DIP2C: variants seen among roughly 807,000 people sequenced by gnomAD.
DIP2C encodes disco-interacting protein 2 homolog C.
In DIP2C, 33 loss-of-function variants were observed where a neutral mutation model predicts 192.4. That is an observed-to-expected ratio of 0.17 (90% CI 0.13 to 0.23). The LOEUF is 0.23. Ranked by LOEUF, DIP2C falls within the 10% of genes least tolerant of loss-of-function variation. The probability of loss-of-function intolerance (pLI) is 1.00; values close to 1 mark genes in which losing one functional copy is unlikely to be tolerated. For missense variants in DIP2C, 1,537 were observed against 2,110.1 expected, an observed-to-expected ratio of 0.73 and a Z score of 5.32; for synonymous variants, 979 against 864.1, an observed-to-expected ratio of 1.13 and a Z score of -2.33.
At chr10:509,776 G>A (rs888733150) in intron 1 of DIP2C, among the ~76,000 whole-genome samples, 1 of 151,924 alleles carries the variant, frequency 6.6e-6, no homozygotes, top group Non-Finnish European at 1.5e-5. Flanking sequence ...AGAGGACGGG[G>A]CGCCGCAGTC....
intron 1 of DIP2C, among the ~76,000 whole-genome samples, chr10:679,423 G>A (rs1287187393): frequency 6.8e-5 from 2 of 29,460 alleles, no homozygotes; most frequent in African/African-American, 1.7e-4. Context: ...GGCTCCCCGC[G>A]CCCATCTGTA....
intron 1 of DIP2C, among the ~76,000 whole-genome samples, chr10:597,360 C>T (rs1441553600): frequency 5.9e-5 from 9 of 152,016 alleles, no homozygotes; most frequent in African/African-American, 1.5e-4. Flanking sequence ...ACACACACAC[C>T]GGGCTGGCTC....
intron 1 of DIP2C, among the ~76,000 whole-genome samples, chr10:512,624 G>C (rs561806538): frequency 5.9e-5 from 9 of 152,024 alleles, no homozygotes; most frequent in African/African-American, 2.2e-4. Flanking sequence ...CATCATTATA[G>C]AAAGGAGCTG....
Position 344,889 on chromosome 10 carries a change from T to A in DIP2C, c.3373A>T (p.Ile1125Phe), listed in dbSNP as rs746986260. The change falls in exon 28 of 37, where the codon ATC becomes TTC. Residue 1125 changes from isoleucine (I) to phenylalanine (F), a missense_variant. Ile to Phe is a conservative substitution (Grantham distance 21, BLOSUM62 0). Transcript: ENST00000280886. ...GTGTCTGGGTTGCAAGGTTTGCAGA[T>A]CTGGGCAGGCCGCTTCTTTGGCAAA... The part of the protein sequence containing the change: ...DDLPKKRPAQ[I>F]CKPCNPDTLA... 51 of 1,607,756 alleles carry A rather than the reference T, an allele frequency of 3.2e-5. No homozygotes were observed. The highest frequency in any genetic ancestry group is 4.0e-5 in the Non-Finnish European group (47 of 1,178,196).
intron 1 of DIP2C, among the ~76,000 whole-genome samples, chr10:653,854 G>T (rs1012485036): frequency 1.3e-5 from 2 of 152,184 alleles, no homozygotes; most frequent in South Asian, 4.1e-4. Context: ...AGTTCTCTTT[G>T]TAACAGACTT....
rs117259741 is a variant in DIP2C at position 659,170 on chromosome 10, T to C, written c.85+30324A>G. Among the ~76,000 whole-genome samples the C allele has an allele frequency of 2.8e-3, 423 of 152,314 alleles. 15 individuals are homozygous for C. The East Asian group carries it at 0.065, about 23-fold the overall frequency. On this transcript the variant is annotated intron_variant, in intron 1 of 36. Transcript: ENST00000280886. ...AATGCATACACATAACATGCACACA[T>C]ATACATTTATAACTATATACACAGG...
chr10:388,109 A>G (rs751749770), intron 13 of DIP2C, among the ~76,000 whole-genome samples: 4 of 151,916 alleles, frequency 2.6e-5, no homozygotes, highest in Non-Finnish European at 4.4e-5. Context: ...TTTTTCTTTA[A>G]AAGATTTCTT....
At chr10:577,376 G>A (rs1850237275) in intron 1 of DIP2C, among the ~76,000 whole-genome samples, 1 of 152,222 alleles carries the variant, frequency 6.6e-6, no homozygotes, top group Non-Finnish European at 1.5e-5. Context: ...TGAGAAATTA[G>A]TCACGTTTAA....
chr10:662,345 C>T (rs1856811945), intron 1 of DIP2C, among the ~76,000 whole-genome samples: 1 of 152,192 alleles, frequency 6.6e-6, no homozygotes, highest in African/African-American at 2.4e-5. Context: ...CCAGATAACG[C>T]GGACAAAGTG....
At chr10:653,427 G>A (rs1323306872) in intron 1 of DIP2C, among the ~76,000 whole-genome samples, 1 of 152,160 alleles carries the variant, frequency 6.6e-6, no homozygotes, top group Admixed American at 6.5e-5. Flanking sequence ...CAGCCGGGGT[G>A]ACAGAGCGAG....
intron 36 of DIP2C, among the ~76,000 whole-genome samples, chr10:278,076 T>C (rs1954613837): frequency 7.2e-6 from 1 of 139,276 alleles, no homozygotes; most frequent in African/African-American, 2.8e-5. Flanking sequence ...TGGCCCCGAG[T>C]CCAGCTCTGC....
At chr10:539,299 T>C (rs1343607188) in intron 1 of DIP2C, among the ~76,000 whole-genome samples, 1 of 152,232 alleles carries the variant, frequency 6.6e-6, no homozygotes, top group East Asian at 1.9e-4. Context: ...CAACCAACTA[T>C]AGATCAAGAA....
At chr10:584,992 CAG>C (rs1182132901) in intron 1 of DIP2C, among the ~76,000 whole-genome samples, 1 of 143,192 alleles carries the variant, frequency 7.0e-6, no homozygotes, top group Non-Finnish European at 1.5e-5. Flanking sequence ...CATCACCTCT[CAG>C]ATAATCTCGG....
At chr10:503,868 G>A (rs1311813080) in intron 1 of DIP2C, among the ~76,000 whole-genome samples, 1 of 152,110 alleles carries the variant, frequency 6.6e-6, no homozygotes, top group Non-Finnish European at 1.5e-5. Flanking sequence ...CAGACGTTTT[G>A]TCTAAACCCA....
chr10:407,900 T>C (rs1338344543), intron 9 of DIP2C, among the ~76,000 whole-genome samples: 3 of 152,252 alleles, frequency 2.0e-5, no homozygotes, highest in Admixed American at 2.0e-4. Flanking sequence ...TTGATAGTAC[T>C]CTTTGATATA....
intron 4 of DIP2C, chr10:430,475 A>C (rs1966846675): frequency 6.6e-6 from 1 of 152,238 alleles, no homozygotes; most frequent in African/African-American, 2.4e-5. Context: ...TGAGTAGCTG[A>C]GACTACAGGC....
At chr10:549,562 G>C (rs1191320951) in intron 1 of DIP2C, among the ~76,000 whole-genome samples, 1 of 152,152 alleles carries the variant, frequency 6.6e-6, no homozygotes, top group African/African-American at 2.4e-5. Flanking sequence ...ACAGCCAAGG[G>C]CGGCATTTGG....
Position 414,742 on chromosome 10 carries a change from C to CGTGTGTGT in DIP2C, c.860-633_860-632insACACACAC, listed in dbSNP as rs1564679999. On this transcript the variant is annotated intron_variant, in intron 7 of 36. Transcript: ENST00000280886. The stretch of plus-strand genomic sequence containing the variant: ...GTGTGTGTGTGTGTGTGTGTGTGTA[C>CGTGTGTGT]ATATATATATATATAATGTGTATAT... Among the ~76,000 whole-genome samples, 567 of 112,524 alleles carry CGTGTGTGT rather than the reference C, an allele frequency of 5.0e-3. 21 individuals are homozygous for CGTGTGTGT. Among genetic ancestry groups the CGTGTGTGT allele is most frequent in the Non-Finnish European group, 6.1e-3 (349 of 57,548 alleles). The allele number at this position is 112,524 out of a possible 152,430, so 73.8% of individuals were successfully genotyped here. A position where few individuals can be genotyped will look rare whatever the true frequency, so the allele number is the denominator to read the frequency against.
rs898173393 is a variant in DIP2C, at chr10:428,977, G to A, written c.395-5944C>T. ...CTTTCCAACTCCACATGTGCACAGC[G>A]TCCCCTATCATCAACATTGCCTACC... On this transcript the variant is annotated intron_variant, in intron 4 of 36. Transcript: ENST00000280886. Among the ~76,000 whole-genome samples, 24 of 151,944 alleles carry A rather than the reference G, an allele frequency of 1.6e-4. No individual in the cohort carries two copies. In the East Asian group the frequency reaches 2.3e-3, roughly 15 times the overall value.
Sources: allele counts gnomAD v4.1 joint callset (sites outside exome capture counted in the v4.1 genomes callset), GRCh38; gene constraint gnomAD v4.1.1; transcripts MANE v1.5; gene names NCBI Gene and HGNC (gene_info 2026-07-23, HGNC 2026-07-21).